BCCIP: variants seen among roughly 807,000 people sequenced by gnomAD.
BCCIP encodes BRCA2 and CDKN1A interacting protein.
Under a neutral mutation model 32.8 loss-of-function variants are expected in BCCIP, and 23 were observed. The ratio of observed to expected loss-of-function variants is 0.70; its 90% confidence interval spans 0.51 to 0.99. BCCIP has a LOEUF of 0.99. BCCIP is among the 50% of genes least tolerant of loss of function. BCCIP has a pLI of 0.00. For missense variants in BCCIP, 378 were observed against 379.8 expected, an observed-to-expected ratio of 1.00 and a Z score of 0.04; for synonymous variants, 144 against 137.6, an observed-to-expected ratio of 1.05 and a Z score of -0.33.
exon 7 of BCCIP, chr10:125,842,078 G>A (rs1055379738): frequency 9.3e-7 from 1 of 1,076,262 alleles, no homozygotes; most frequent in East Asian, 2.9e-5. Context: ...CAAATACCAG[G>A]GAGTGAAGGA....
chr10:125,829,190 C>G (rs536810405), intron 3 of BCCIP, among the ~76,000 whole-genome samples: 2 of 152,296 alleles, frequency 1.3e-5, no homozygotes, highest in East Asian at 1.9e-4. Flanking sequence ...GCCACAGTAC[C>G]TTAATCTGTT....
At chr10:125,830,389 T>C (rs960789304) in intron 3 of BCCIP, among the ~76,000 whole-genome samples, 173 bp from the exon 4 acceptor site, 1 of 152,176 alleles carries the variant, frequency 6.6e-6, no homozygotes, top group African/African-American at 2.4e-5. Context: ...AAGATGATGG[T>C]GGTAAAACTG....
At chr10:125,853,480 A>G (rs1468047319) in exon 8 of BCCIP, 3 of 253,484 alleles carry the variant, frequency 1.2e-5, no homozygotes, top group Admixed American at 5.4e-5. Flanking sequence ...TTTATCGTCA[A>G]TTATAAGCCA....
At chr10:125,852,289 C>G (rs1389189569) in intron 7 of BCCIP, 1 of 1,613,416 alleles carries the variant, frequency 6.2e-7, no homozygotes, top group South Asian at 1.1e-5. Context: ...GAGCATAAGG[C>G]TACCTGGTCT....
At chr10:125,841,968 T>C (rs1854893746) in exon 7 of BCCIP, 1 of 1,538,506 alleles carries the variant, frequency 6.5e-7, no homozygotes, top group Non-Finnish European at 8.7e-7. Context: ...TTTAAGAGTC[T>C]CATATGGCTA....
At chr10:125,841,021 G>A, downstream of BCCIP, 4 of 1,585,772 alleles carry the variant, frequency 2.5e-6, no homozygotes, top group Non-Finnish European at 3.4e-6. Context: ...AGGTCACATG[G>A]TTAGCAATAA....
intron 3 of BCCIP, among the ~76,000 whole-genome samples, chr10:125,830,117 T>C (rs921906831): frequency 1.7e-4 from 26 of 152,216 alleles, no homozygotes; most frequent in Admixed American, 5.9e-4. Flanking sequence ...TGGAAACTCA[T>C]GAGTTTTAGA....
chr10:125,829,682 C>T (rs1277860103), intron 3 of BCCIP, among the ~76,000 whole-genome samples: 1 of 152,174 alleles, frequency 6.6e-6, no homozygotes, highest in Non-Finnish European at 1.5e-5. Context: ...TGGGGCATTC[C>T]TTTTATTAGG....
At chr10:125,842,089 T>C (rs914549773) in exon 7 of BCCIP, 7 of 1,018,280 alleles carry the variant, frequency 6.9e-6, no homozygotes, top group Admixed American at 7.4e-5. Context: ...GAGTGAAGGA[T>C]AGTGATTCTT....
exon 7 of BCCIP, chr10:125,841,689 T>C (rs1301286786): frequency 1.5e-5 from 23 of 1,582,036 alleles, no homozygotes; most frequent in Non-Finnish European, 2.0e-5. Flanking sequence ...CCGATCTAAA[T>C]CTATACCTAG....
At chr10:125,841,673 A>C in exon 7 of BCCIP, 1 of 1,554,074 alleles carries the variant, frequency 6.4e-7, no homozygotes, top group Non-Finnish European at 8.6e-7. Flanking sequence ...ATAATTTCAA[A>C]TGGATCCGAT....
intron 7 of BCCIP, among the ~76,000 whole-genome samples, chr10:125,850,962 C>T (rs757368145): frequency 2.0e-5 from 3 of 152,298 alleles, no homozygotes; most frequent in Non-Finnish European, 2.9e-5. Context: ...GTCCTGAGGC[C>T]TCCTACCCCA....
intron 2 of BCCIP, 84 bp downstream of exon 2, chr10:125,826,749 C>T (rs1854398418): frequency 3.2e-6 from 5 of 1,548,532 alleles, no homozygotes; most frequent in Admixed American, 2.0e-5. Context: ...CCTATAATCT[C>T]AGCATTTTGG....
intron 1 of BCCIP, among the ~76,000 whole-genome samples, chr10:125,824,040 C>G (rs895669317): frequency 6.6e-6 from 1 of 152,244 alleles, no homozygotes; most frequent in Non-Finnish European, 1.5e-5. Flanking sequence ...CCACCCCGGG[C>G]TCGCAGAGGG....
intron 1 of BCCIP, among the ~76,000 whole-genome samples, chr10:125,824,929 A>C (rs1347949043): frequency 3.3e-5 from 5 of 152,274 alleles, no homozygotes; most frequent in African/African-American, 9.6e-5. Context: ...CATGATGAGC[A>C]TGGAGGGGAG....
chr10:125,832,746 AT>A (rs2134012220), intron 5 of BCCIP, among the ~76,000 whole-genome samples: 1 of 150,358 alleles, frequency 6.7e-6, no homozygotes, highest in South Asian at 2.1e-4. Flanking sequence ...ATATACTATG[AT>A]TGTGCCTGTG....
downstream of BCCIP, among the ~76,000 whole-genome samples, chr10:125,843,281 A>G (rs1221548332): frequency 6.6e-6 from 1 of 152,084 alleles, no homozygotes; most frequent in Non-Finnish European, 1.5e-5. Context: ...ACATATGGTA[A>G]AAATTTTCTT....
At chr10:125,835,316 C>T (rs377443360) in intron 6 of BCCIP, among the ~76,000 whole-genome samples, 20 of 152,162 alleles carry the variant, frequency 1.3e-4, no homozygotes, top group South Asian at 6.2e-4. Context: ...TGCGGTGGCT[C>T]ATGCCTGTAA....
In BCCIP at chr10:125,848,269, G is replaced by C. The variant is rs141825439; in HGVS notation, c.851-4856G>C. On this transcript the variant is annotated intron_variant, in intron 7 of 7. Transcript: ENST00000368759. ...GCTCTGAAGAGGACAGGGAGGAAAG[G>C]CTTCTGCTTCACTTAATTTCACAGG... Among the ~76,000 whole-genome samples the C allele has an allele frequency of 3.3e-4, 50 of 152,240 alleles. No individual in the cohort carries two copies. In the East Asian group the frequency reaches 4.6e-3, roughly 14 times the overall value.
Sources: allele counts gnomAD v4.1 joint callset (sites outside exome capture counted in the v4.1 genomes callset), GRCh38; gene constraint gnomAD v4.1.1; transcripts MANE v1.5; gene names NCBI Gene and HGNC (gene_info 2026-07-23, HGNC 2026-07-21).